SPATA18: variants seen among roughly 807,000 people sequenced by gnomAD.
SPATA18 encodes spermatogenesis associated 18.
In SPATA18, 54 loss-of-function variants were observed where a neutral mutation model predicts 68.1. The observed-to-expected ratio is 0.79, with a 90% CI of 0.64 to 0.99. SPATA18 has a LOEUF of 0.99. Among genes scored for constraint, SPATA18 ranks in the 50% least tolerant of loss-of-function variants. The pLI is 0.00. For synonymous variants in SPATA18, 242 were observed against 244.8 expected, an observed-to-expected ratio of 0.99 and a Z score of 0.11; for missense variants, 724 against 681.1, an observed-to-expected ratio of 1.06 and a Z score of -0.70.
At chr4:52,083,665 A>T (rs935141673) in intron 10 of SPATA18, among the ~76,000 whole-genome samples, 4 of 151,246 alleles carry the variant, frequency 2.6e-5, no homozygotes, top group South Asian at 4.2e-4. Context: ...GGATTGCTTG[A>T]GCTGGAGAGG....
In SPATA18 at chr4:52,078,742, T is replaced by G; in HGVS notation, c.1028T>G (p.Phe343Cys). 1 of 1,573,872 alleles carries G rather than the reference T, an allele frequency of 6.4e-7. No individual in the cohort carries two copies. Among genetic ancestry groups the G allele is most frequent in the Non-Finnish European group, 8.7e-7 (1 of 1,148,594 alleles). Residue 343 changes from phenylalanine to cysteine, a missense_variant, in exon 8 of 13, where the codon TTC becomes TGC. Coordinates refer to ENST00000295213, the MANE Select transcript of SPATA18 (RefSeq NM_145263.4). ...CTGCATTTTTATGTGCAGGAGGCAT[T>G]CCATGTAGCAAAAATGGCATTCAGA... ...RIIYIATVEA[F>C]HVAKMAFRHF...
chr4:52,067,118 CAG>C (rs1192552117), intron 4 of SPATA18, among the ~76,000 whole-genome samples: 1 of 152,158 alleles, frequency 6.6e-6, no homozygotes, highest in African/African-American at 2.4e-5. Flanking sequence ...TTTCCACTAA[CAG>C]TGTGAAAAAG....
chr4:52,071,993 G>A lies in SPATA18; in HGVS notation c.595G>A (p.Glu199Lys). ...GAGGAGCTCAGAGAATAGGCGGTCA[G>A]AGCCTTGGAGCTTGGAGGAGCGGAA... ...DQRSSENRRS[E>K]PWSLEERKRE... is the part of the protein sequence containing the mutation. The change falls in exon 6 of 13, where the codon GAG becomes AAG. Residue 199 changes from glutamate to lysine, a missense_variant. Glu to Lys is a moderately conservative substitution (Grantham distance 56, BLOSUM62 1). Transcript: ENST00000295213. 1 of 1,613,980 alleles carries A rather than the reference G, an allele frequency of 6.2e-7. No homozygotes were observed. Among genetic ancestry groups the A allele is most frequent in the East Asian group, 2.2e-5 (1 of 44,850 alleles).
rs369204054 is a variant in SPATA18 at position 52,083,592 on chromosome 4, C to A, written c.1479+1082C>A. ...AGACCTCATCTCTACAAAAAATAAA[C>A]AAATTAGCTGGGCATCGTGGTGCAT... On this transcript the variant is annotated intron_variant, in intron 10 of 12. Coordinates refer to ENST00000295213, the MANE Select transcript of SPATA18 (RefSeq NM_145263.4). The A allele has an allele frequency of 2.5e-5, 14 of 554,622 alleles. No homozygotes were observed. The African/African-American group carries it at 2.9e-4, about 11-fold the overall frequency. 34.4% of individuals were successfully genotyped at this position (554,622 alleles called of 1,614,324 possible). A position where few individuals can be genotyped will look rare whatever the true frequency, so the allele number is the denominator to read the frequency against.
In SPATA18 at chr4:52,082,497, G is replaced by A. The variant is rs200479168; in HGVS notation, c.1466G>A (p.Arg489Lys). The part of the protein sequence containing the change: ...CVIMKGEAVT[R>K]RGAFWNSVRS... ...ATTATGAAGGGAGAAGCTGTCACCA[G>A]GAGAGGGGCTTTTGTACGGTGGCCT... Residue 489 changes from arginine to lysine, a missense_variant, in exon 10 of 13, where the codon AGG (arginine) becomes AAG (lysine). Physicochemically the swap from Arg to Lys is conservative, Grantham distance 26. Coordinates refer to ENST00000295213, the MANE Select transcript of SPATA18 (RefSeq NM_145263.4). 4 of 1,614,112 alleles carry A rather than the reference G, an allele frequency of 2.5e-6. No individual in the cohort carries two copies. The highest frequency in any genetic ancestry group is 3.3e-5 in the Admixed American group (2 of 60,016).
At chr4:52,094,774 G>GCT in intron 12 of SPATA18, 106 bp from the exon 13 acceptor site, 1 of 1,491,296 alleles carries the variant, frequency 6.7e-7, no homozygotes, top group Non-Finnish European at 9.3e-7. Flanking sequence ...CAACCAAGAG[G>GCT]CTTCATTGCC....
At position 52,054,373 on chromosome 4, in the gene SPATA18, A is replaced by C. The variant is rs571146776; in HGVS notation, c.87+2582A>C. 2.0e-5 allele frequency among the ~76,000 whole-genome samples: 3 copies of C among 152,322 alleles called. No homozygotes were observed. In the South Asian group the frequency reaches 6.2e-4, roughly 32 times the overall value. On this transcript the variant is annotated intron_variant, in intron 1 of 12. Transcript: ENST00000295213. ...CTTTCTTAGGAGAGCTTTATTTCTT[A>C]GAAAGGGTAGCAACCTGCAGGCTGG... is the stretch of plus-strand genomic sequence containing the variant.
At chr4:52,086,967 G>A (rs558171821) in intron 11 of SPATA18, among the ~76,000 whole-genome samples, 1 of 152,310 alleles carries the variant, frequency 6.6e-6, no homozygotes, top group Non-Finnish European at 1.5e-5. Flanking sequence ...TCTAACTGGT[G>A]TGAGATGGTA....
intron 11 of SPATA18, among the ~76,000 whole-genome samples, chr4:52,092,815 T>C (rs1161632727): frequency 3.9e-5 from 6 of 152,140 alleles, no homozygotes; most frequent in African/African-American, 1.4e-4. Flanking sequence ...GGTCTTAATA[T>C]AGGAAGATCA....
rs1036642905 is a variant in SPATA18, at chr4:52,051,509, C to T, written c.-196C>T. The T allele has an allele frequency of 1.5e-5, 9 of 596,450 alleles. No individual in the cohort carries two copies. Among genetic ancestry groups the T allele is most frequent in the Admixed American group, 2.9e-5 (1 of 34,222 alleles). The allele number at this position is 596,450 out of a possible 1,614,324, so 36.9% of individuals were successfully genotyped here. On this transcript the variant is annotated 5_prime_UTR_variant, in exon 1 of 13. Transcript: ENST00000295213. ...GCGGATGAGGCGCGGCGGCTGCGGC[C>T]CAGGGCACCTCCCCTCTGGCTTCCC...
intron 6 of SPATA18, among the ~76,000 whole-genome samples, chr4:52,075,917 T>C (rs1740299724): frequency 6.6e-6 from 1 of 152,212 alleles, no homozygotes; most frequent in South Asian, 2.1e-4. Flanking sequence ...CTTGCTAGAT[T>C]CAATCAAAGG....
chr4:52,095,246 T>A lies in SPATA18; in HGVS notation c.*359T>A, dbSNP rs145268739. Reference sequence around the variant, plus strand: ...GAACTGAAGTGGAAAGCATCTACCATGCTGAGGCTAAAAGAAAAGATGAAT... The same window carrying A: ...GAACTGAAGTGGAAAGCATCTACCAAGCTGAGGCTAAAAGAAAAGATGAAT... On this transcript the variant is annotated 3_prime_UTR_variant, in exon 13 of 13. Transcript: ENST00000295213. The A allele has an allele frequency of 3.7e-6, 1 of 267,668 alleles. No individual in the cohort carries two copies. Among genetic ancestry groups the A allele is most frequent in the African/African-American group, 2.2e-5 (1 of 45,196 alleles). 16.6% of individuals were successfully genotyped at this position (267,668 alleles called of 1,614,324 possible).
chr4:52,088,919 T>C (rs1187259837), intron 11 of SPATA18, among the ~76,000 whole-genome samples: 1 of 152,172 alleles, frequency 6.6e-6, no homozygotes, highest in East Asian at 1.9e-4. Flanking sequence ...TCCTGGACTT[T>C]TTTTGGTTGG....
chr4:52,080,314 A>C (rs1250675104), intron 9 of SPATA18, among the ~76,000 whole-genome samples: 1 of 152,198 alleles, frequency 6.6e-6, no homozygotes, highest in Non-Finnish European at 1.5e-5. Context: ...CCTGGATTAC[A>C]TTTTCTGACA....
intron 1 of SPATA18, among the ~76,000 whole-genome samples, chr4:52,052,418 C>T (rs1358242562): frequency 6.6e-6 from 1 of 152,124 alleles, no homozygotes; most frequent in Non-Finnish European, 1.5e-5. Context: ...ATTCTGTCAC[C>T]AAACCCATGA....
chr4:52,087,956 G>T (rs893337889), intron 11 of SPATA18, among the ~76,000 whole-genome samples: 2 of 152,102 alleles, frequency 1.3e-5, no homozygotes, highest in African/African-American at 4.8e-5. Context: ...TGAGCAGTGG[G>T]TTTGTCGTTC....
At chr4:52,053,780 C>CT (rs1308057171) in intron 1 of SPATA18, among the ~76,000 whole-genome samples, 1 of 152,202 alleles carries the variant, frequency 6.6e-6, no homozygotes, top group Non-Finnish European at 1.5e-5. Flanking sequence ...ACCCCCACTG[C>CT]TACCACCCTT....
chr4:52,088,635 C>T (rs979051267), intron 11 of SPATA18, among the ~76,000 whole-genome samples: 1 of 152,124 alleles, frequency 6.6e-6, no homozygotes, highest in Non-Finnish European at 1.5e-5. Context: ...ATGAAGCCAA[C>T]TTGTTCATAG....
At chr4:52,082,347 T>C in intron 9 of SPATA18, 40 bp from the exon 10 acceptor site, 1 of 1,583,982 alleles carries the variant, frequency 6.3e-7, no homozygotes, top group South Asian at 1.1e-5. Context: ...TGCTCCATAA[T>C]TGCTTAACTT....
Sources: allele counts gnomAD v4.1 joint callset (sites outside exome capture counted in the v4.1 genomes callset), GRCh38; gene constraint gnomAD v4.1.1; transcripts MANE v1.5; gene names NCBI Gene and HGNC (gene_info 2026-07-23, HGNC 2026-07-21).